ADAMTS3: variants seen among roughly 807,000 people sequenced by gnomAD.
ADAMTS3 encodes A disintegrin and metalloproteinase with thrombospondin motifs 3.
ADAMTS3 carries 73 observed loss-of-function variants against 129.0 expected under a neutral mutation model. The observed-to-expected ratio is 0.57, with a 90% CI of 0.47 to 0.69. ADAMTS3 has a LOEUF of 0.69. Ranked by LOEUF, ADAMTS3 falls within the 30% of genes least tolerant of loss-of-function variation. The pLI is 0.00. For synonymous variants in ADAMTS3, 477 were observed against 510.8 expected (o/e 0.93, Z 0.89); for missense variants, 1,457 against 1,514.5 (o/e 0.96, Z 0.63).
intron 4 of ADAMTS3, among the ~76,000 whole-genome samples, chr4:72,385,161 C>G (rs2109884445): frequency 6.7e-6 from 1 of 150,212 alleles, no homozygotes; most frequent in Admixed American, 6.6e-5. Flanking sequence ...GCCTGGGTGA[C>G]AGAGTAAGAC....
intron 3 of ADAMTS3, among the ~76,000 whole-genome samples, chr4:72,511,215 G>A (rs1272714349): frequency 6.6e-6 from 1 of 152,026 alleles, no homozygotes. Flanking sequence ...ATATTGATCT[G>A]GACAAAAAAT....
At position 72,569,210 on chromosome 4, in the gene ADAMTS3, CG is replaced by C. The variant is rs1417394609; in HGVS notation, c.-449del. The C allele has an allele frequency of 6.2e-6, 1 of 161,520 alleles. No individual in the cohort carries two copies. Among genetic ancestry groups the C allele is most frequent in the Non-Finnish European group, 1.3e-5 (1 of 74,544 alleles). The allele number at this position is 161,520 out of a possible 1,614,324, so 10.0% of individuals were successfully genotyped here. A position where few individuals can be genotyped will look rare whatever the true frequency, so the allele number is the denominator to read the frequency against. The stretch of plus-strand genomic sequence containing the variant: ...AGCGAGAGAGACGAGCGAGCGGGAG[CG>C]GGAGAAAGAGGCAGGGAGAGGGCGA... On this transcript the variant is annotated 5_prime_UTR_variant, in exon 1 of 22. Transcript: ENST00000286657.
chr4:72,343,771 C>T (rs190883249), intron 4 of ADAMTS3, among the ~76,000 whole-genome samples: 4 of 152,218 alleles, frequency 2.6e-5, no homozygotes, highest in Admixed American at 2.0e-4. Context: ...AAAAAAAAGG[C>T]CCTGCAAAAG....
chr4:72,344,344 AT>A (rs1720218512), intron 4 of ADAMTS3, among the ~76,000 whole-genome samples: 1 of 152,140 alleles, frequency 6.6e-6, no homozygotes, highest in African/African-American at 2.4e-5. Flanking sequence ...AAAAATTTCT[AT>A]GGTCTGAAAA....
At chr4:72,325,760 T>C (rs1719683504) in intron 5 of ADAMTS3, among the ~76,000 whole-genome samples, 1 of 152,158 alleles carries the variant, frequency 6.6e-6, no homozygotes, top group African/African-American at 2.4e-5. Context: ...CTGTAACATA[T>C]GTAATACATC....
At chr4:72,470,294 A>C (rs1207932627) in intron 3 of ADAMTS3, among the ~76,000 whole-genome samples, 4 of 150,204 alleles carry the variant, frequency 2.7e-5, no homozygotes, top group Non-Finnish European at 5.9e-5. Context: ...CAGATATTCT[A>C]ATCACCACCT....
intron 3 of ADAMTS3, among the ~76,000 whole-genome samples, chr4:72,429,297 T>C (rs957128840): frequency 2.6e-5 from 4 of 152,076 alleles, no homozygotes; most frequent in Non-Finnish European, 4.4e-5. Context: ...GCTAAAGATA[T>C]AGTAAGTCCT....
chr4:72,389,112 AC>A (rs1721519282), intron 4 of ADAMTS3, among the ~76,000 whole-genome samples: 1 of 152,120 alleles, frequency 6.6e-6, no homozygotes, highest in Non-Finnish European at 1.5e-5. Flanking sequence ...ACAGCAAGCC[AC>A]CCTTATCAGT....
At chr4:72,544,997 T>C (rs1487828909) in intron 3 of ADAMTS3, among the ~76,000 whole-genome samples, 1 of 152,102 alleles carries the variant, frequency 6.6e-6, no homozygotes, top group Admixed American at 6.6e-5. Flanking sequence ...GACCAGGTGG[T>C]ACTTATAATA....
chr4:72,319,814 G>C, intron 8 of ADAMTS3, 44 bp downstream of exon 8: 1 of 1,463,992 alleles, frequency 6.8e-7, no homozygotes, highest in Non-Finnish European at 9.6e-7. Context: ...AAGCAGGAAA[G>C]AAAAGATCTT....
At chr4:72,323,130 A>G in intron 5 of ADAMTS3, 33 bp from the exon 6 acceptor site, 1 of 1,532,336 alleles carries the variant, frequency 6.5e-7, no homozygotes, top group Middle Eastern at 1.7e-4. Flanking sequence ...GCTAAAAGAA[A>G]GGAAACACCG....
rs556823007 is a variant in ADAMTS3, at chr4:72,344,269, T to C, written c.662-4576A>G. On this transcript the variant is annotated intron_variant, in intron 4 of 21. Transcript: ENST00000286657. ...TATTTTTAGGAGAATGACATGTTCATATGCTTAATCATACTTATAGGAAAT... is the reference window on the plus strand; with the variant it reads ...TATTTTTAGGAGAATGACATGTTCACATGCTTAATCATACTTATAGGAAAT... Among the ~76,000 whole-genome samples the C allele has an allele frequency of 2.6e-5, 4 of 152,184 alleles. No homozygotes were observed. The South Asian group carries it at 8.3e-4, about 32-fold the overall frequency.
In ADAMTS3 at chr4:72,549,914, T is replaced by C. The variant is rs541580440; in HGVS notation, c.98-1030A>G. Among the ~76,000 whole-genome samples, 4 of 131,246 alleles carry C rather than the reference T, an allele frequency of 3.0e-5. No individual in the cohort carries two copies. In the South Asian group the frequency reaches 9.6e-4, roughly 32 times the overall value. 86.1% of individuals were successfully genotyped at this position (131,246 alleles called of 152,430 possible). ...GATTTTAAGACCACAGGACAATGGATACTAGAGAAGGAAACAAGCAGCAGG... is the reference window on the plus strand; with the variant it reads ...GATTTTAAGACCACAGGACAATGGACACTAGAGAAGGAAACAAGCAGCAGG... On this transcript the variant is annotated intron_variant, in intron 2 of 21. Coordinates refer to ENST00000286657, the MANE Select transcript of ADAMTS3 (RefSeq NM_014243.3).
At chr4:72,554,656 T>A (rs906355329) in intron 2 of ADAMTS3, among the ~76,000 whole-genome samples, 4 of 150,696 alleles carry the variant, frequency 2.7e-5, no homozygotes, top group Admixed American at 6.6e-5. Flanking sequence ...GCTGTTTCTT[T>A]AGCAATTTCT....
chr4:72,283,691 C>A lies in ADAMTS3; in HGVS notation c.3063G>T (p.Leu1021Phe). 6.4e-7 allele frequency: 1 copy of A among 1,569,402 alleles called. No homozygotes were observed. The part of the protein sequence containing the change: ...QLPPCNDEPC[L>F]GDKSIFCQME... ...TTTGACAGAATATGGACTTGTCTCCCAAACATGGTTCATCTGCAAAAATAA... is the reference window on the plus strand; with the variant it reads ...TTTGACAGAATATGGACTTGTCTCCAAAACATGGTTCATCTGCAAAAATAA... The change falls in exon 22 of 22, where the codon TTG becomes TTT. Residue 1021 changes from leucine (L) to phenylalanine (F), a missense_variant. Physicochemically the swap from Leu to Phe is conservative, Grantham distance 22. Transcript: ENST00000286657.
chr4:72,482,974 C>T (rs1351519275), intron 3 of ADAMTS3, among the ~76,000 whole-genome samples: 3 of 152,130 alleles, frequency 2.0e-5, no homozygotes, highest in Admixed American at 6.5e-5. Flanking sequence ...GAATAACTAT[C>T]AGCAAACTAA....
intron 3 of ADAMTS3, among the ~76,000 whole-genome samples, chr4:72,477,025 C>T (rs1024255782): frequency 4.6e-5 from 7 of 152,098 alleles, no homozygotes; most frequent in African/African-American, 1.7e-4. Context: ...TAGAAGGGAA[C>T]TTCCTCAACT....
rs1214888491 is a variant in ADAMTS3 at position 72,334,882 on chromosome 4, T to C, written c.861+4612A>G. ...TGTGTTTCTTCTTCATATAGGAAGC[T>C]TGGTGAAATGTCAAGATCTACAAAA... is the stretch of plus-strand genomic sequence containing the variant. On this transcript the variant is annotated intron_variant, in intron 5 of 21. Transcript: ENST00000286657. Among the ~76,000 whole-genome samples, 4 of 152,144 alleles carry C rather than the reference T, an allele frequency of 2.6e-5. No individual in the cohort carries two copies. The East Asian group carries it at 7.7e-4, about 29-fold the overall frequency.
chr4:72,541,764 GT>G (rs1721331894), intron 3 of ADAMTS3, among the ~76,000 whole-genome samples: 1 of 152,118 alleles, frequency 6.6e-6, no homozygotes, highest in Non-Finnish European at 1.5e-5. Flanking sequence ...ATGTGCCTTT[GT>G]TCCTCCTTTG....
Sources: gnomAD v4.1 joint callset for allele counts (sites outside exome capture counted in the v4.1 genomes callset) on GRCh38, gnomAD v4.1.1 for gene constraint, MANE v1.5 for transcripts, NCBI Gene and HGNC (gene_info 2026-07-23, HGNC 2026-07-21) for gene names.